The following RBM33 variants were observed in gnomAD, a reference collection of about 807,000 sequenced individuals.
RBM33 encodes the protein RNA-binding protein 33.
RBM33 carries 28 observed loss-of-function variants against 132.6 expected under a neutral mutation model. That is an observed-to-expected ratio of 0.21 (90% CI 0.16 to 0.29). The LOEUF (loss-of-function observed/expected upper bound fraction) is 0.29, where lower values mean the gene tolerates loss of function less well. Ranked by LOEUF, RBM33 falls within the 10% of genes least tolerant of loss-of-function variation. The pLI, the probability that RBM33 is intolerant of heterozygous loss-of-function variation, is 1.00. For synonymous variants in RBM33, 634 were observed against 593.0 expected, an observed-to-expected ratio of 1.07 and a Z score of -1.01; for missense variants, 1,291 against 1,518.5, an observed-to-expected ratio of 0.85 and a Z score of 2.49.
At chr7:155,704,977 C>T (rs1585462722) in intron 6 of RBM33, among the ~76,000 whole-genome samples, 1 of 152,102 alleles carries the variant, frequency 6.6e-6, no homozygotes, top group African/African-American at 2.4e-5. Context: ...AAAAGTCAGA[C>T]TGTCATTTGT....
intron 14 of RBM33, among the ~76,000 whole-genome samples, chr7:155,748,640 A>G (rs1801595886): frequency 6.6e-6 from 1 of 152,130 alleles, no homozygotes; most frequent in Non-Finnish European, 1.5e-5. Context: ...GTTTTTTGAA[A>G]GGTGAGAGAG....
chr7:155,746,254 G>T lies in RBM33; in HGVS notation c.2979+652G>T, dbSNP rs148843578. ...TTTGTGGTGTATAGCTTTAGACTCA[G>T]TGAGCAGCTGTGGGACAGTGGGAGT... On this transcript the variant is annotated intron_variant, in intron 14 of 17. Transcript: ENST00000401878. 4.6e-5 allele frequency among the ~76,000 whole-genome samples: 7 copies of T among 152,262 alleles called. No homozygotes were observed. The East Asian group carries it at 1.3e-3, about 29-fold the overall frequency.
intron 3 of RBM33, among the ~76,000 whole-genome samples, chr7:155,673,950 T>TTTGTTTTTTTG (rs1799097893): frequency 2.6e-5 from 1 of 38,594 alleles, no homozygotes; most frequent in African/African-American, 7.8e-5. Flanking sequence ...GTTTTTTTTT[T>TTTGTTTTTTTG]TTTTTTTTTT....
chr7:155,766,517 G>T lies in RBM33; in HGVS notation c.3237G>T (p.Gly1079=), dbSNP rs755253364. 1.2e-6 allele frequency: 2 copies of T among 1,613,848 alleles called. No homozygotes were observed. Among genetic ancestry groups the T allele is most frequent in the Non-Finnish European group, 1.7e-6 (2 of 1,179,864 alleles). ...GRGVAGPMGR[G]RLMPNKQNLR... ...GAGTGGCCGGTCCCATGGGCCGGGGGCGCCTGATGCCAAACAAGCAGAACC... is the reference window on the plus strand; with the variant it reads ...GAGTGGCCGGTCCCATGGGCCGGGGTCGCCTGATGCCAAACAAGCAGAACC... Residue 1079 remains glycine, a synonymous_variant, in exon 16 of 18, where the codon GGG becomes GGT. Transcript: ENST00000401878.
chr7:155,683,091 C>T (rs1223450676), intron 5 of RBM33, among the ~76,000 whole-genome samples: 1 of 151,462 alleles, frequency 6.6e-6, no homozygotes, highest in African/African-American at 2.4e-5. Flanking sequence ...AGTAGTAGTT[C>T]AATGTCTTTC....
At chr7:155,721,981 T>C (rs1193557879) in intron 9 of RBM33, among the ~76,000 whole-genome samples, 9 of 152,228 alleles carry the variant, frequency 5.9e-5, no homozygotes, top group African/African-American at 1.7e-4. Context: ...TGTTAGTCTT[T>C]GCACTAGGAT....
At chr7:155,740,514 C>CA (rs1414812736) in intron 12 of RBM33, among the ~76,000 whole-genome samples, 1 of 152,218 alleles carries the variant, frequency 6.6e-6, no homozygotes, top group Non-Finnish European at 1.5e-5. Context: ...ACAGAAGAGA[C>CA]AAATTCTTTT....
At position 155,688,456 on chromosome 7, in the gene RBM33, A is replaced by G. The variant is rs538748399; in HGVS notation, c.567+7548A>G. Among the ~76,000 whole-genome samples, 4 of 152,290 alleles carry G rather than the reference A, an allele frequency of 2.6e-5. No individual in the cohort carries two copies. The South Asian group carries it at 8.3e-4, about 32-fold the overall frequency. On this transcript the variant is annotated intron_variant, in intron 5 of 17. Transcript: ENST00000401878. The stretch of plus-strand genomic sequence containing the variant: ...ATTTGACTTCCTCTTTTCCTAATTG[A>G]ATATCCTTTATTTCTTTCTCCTGCC...
At chr7:155,746,300 G>C (rs1293358984) in intron 14 of RBM33, 1 of 152,058 alleles carries the variant, frequency 6.6e-6, no homozygotes, top group East Asian at 1.9e-4. Context: ...GCAGGTGTGT[G>C]TCTAATTTGA....
chr7:155,717,699 A>G (rs1262387344), intron 8 of RBM33, among the ~76,000 whole-genome samples: 1 of 152,224 alleles, frequency 6.6e-6, no homozygotes, highest in Admixed American at 6.5e-5. Flanking sequence ...TGAGTTTCAA[A>G]GAGCTTAAAC....
At chr7:155,698,497 C>T (rs1033108392) in intron 5 of RBM33, among the ~76,000 whole-genome samples, 1 of 152,130 alleles carries the variant, frequency 6.6e-6, no homozygotes, top group Non-Finnish European at 1.5e-5. Flanking sequence ...TTAAGTCTAG[C>T]TTAGTGGATG....
At chr7:155,711,039 T>G in intron 7 of RBM33, 164 bp from the exon 8 acceptor site, 1 of 1,005,368 alleles carries the variant, frequency 9.9e-7, no homozygotes. Flanking sequence ...ATCCTGCTGT[T>G]TTGATACAAG....
intron 11 of RBM33, 60 bp from the exon 12 acceptor site, chr7:155,739,655 G>C: frequency 6.9e-7 from 1 of 1,455,142 alleles, no homozygotes; most frequent in Non-Finnish European, 9.1e-7. Context: ...AATGATTGAA[G>C]TGATTATGCC....
intron 1 of RBM33, among the ~76,000 whole-genome samples, chr7:155,657,728 T>A (rs1798531148): frequency 6.6e-6 from 1 of 152,220 alleles, no homozygotes; most frequent in Non-Finnish European, 1.5e-5. Flanking sequence ...AAGTACTAAT[T>A]TCTTCGCTGT....
intron 1 of RBM33, among the ~76,000 whole-genome samples, chr7:155,663,073 T>C (rs1035266151): frequency 6.0e-4 from 91 of 152,312 alleles, no homozygotes; most frequent in African/African-American, 2.0e-3. Context: ...TAAGTAGTTA[T>C]TTTATAAAAC....
intron 9 of RBM33, among the ~76,000 whole-genome samples, chr7:155,721,773 C>A (rs1800635249): frequency 1.3e-5 from 2 of 152,062 alleles, no homozygotes; most frequent in African/African-American, 2.4e-5. Context: ...TCTTAAAAAT[C>A]CAAATCTGAG....
At chr7:155,677,940 A>G (rs879392552) in intron 3 of RBM33, among the ~76,000 whole-genome samples, 3 of 152,180 alleles carry the variant, frequency 2.0e-5, no homozygotes, top group Admixed American at 1.3e-4. Flanking sequence ...AGTAGTGTGA[A>G]TAAGTAGTGA....
chr7:155,722,105 A>T (rs984888198), intron 9 of RBM33, among the ~76,000 whole-genome samples: 2 of 152,214 alleles, frequency 1.3e-5, no homozygotes, highest in African/African-American at 4.8e-5. Flanking sequence ...TATGCACGTT[A>T]GTTCTGAACT....
intron 2 of RBM33, among the ~76,000 whole-genome samples, chr7:155,666,453 T>C (rs73736015): frequency 0.031 from 4,738 of 152,284 alleles, 237 homozygotes; most frequent in African/African-American, 0.11. Context: ...TTCACAGAAA[T>C]AATATTTTGT....
Sources: gnomAD v4.1 joint callset for allele counts (sites outside exome capture counted in the v4.1 genomes callset) on GRCh38, gnomAD v4.1.1 for gene constraint, MANE v1.5 for transcripts, NCBI Gene and HGNC (gene_info 2026-07-23, HGNC 2026-07-21) for gene names.